Variants in DMD observed in about 807,000 individuals in gnomAD.
DMD encodes the protein dystrophin.
A neutral mutation model predicts 330.1 loss-of-function variants in DMD; 63 were observed. The observed-to-expected ratio is 0.19, with a 90% CI of 0.16 to 0.24. DMD has a LOEUF of 0.24. DMD is among the 10% of genes least tolerant of loss of function. DMD has a pLI of 1.00. For missense variants in DMD, 3,344 were observed against 2,684.1 expected, an observed-to-expected ratio of 1.25 and a Z score of -5.43; for synonymous variants, 1,223 against 959.8, an observed-to-expected ratio of 1.27 and a Z score of -5.07.
intron 2 of DMD, among the ~76,000 whole-genome samples, chrX:32,872,781 G>A (rs137984350): frequency 0.021 from 2,384 of 111,872 alleles, 74 homozygotes; most frequent in African/African-American, 0.073. Context: ...CAGTAGAGAT[G>A]TTAAACTAAA....
intron 52 of DMD, among the ~76,000 whole-genome samples, chrX:31,699,351 C>A (rs994200132): frequency 1.8e-5 from 2 of 112,437 alleles, no homozygotes; most frequent in African/African-American, 6.5e-5. Context: ...GAAGAACTCA[C>A]CCAGCCCAGT....
rs1556919105 is a variant in DMD at position 31,822,653 on chromosome X, G to GGTGTGTGTGTGTGTGTGTGTGTGTGT, written c.7201-2596_7201-2571dup. Among the ~76,000 whole-genome samples the GGTGTGTGTGTGTGTGTGTGTGTGTGT allele has an allele frequency of 2.2e-3, 144 of 65,790 alleles. 4 individuals carry two copies. The highest frequency in any genetic ancestry group is 3.1e-3 in the East Asian group (5 of 1,628). 57.1% of individuals were successfully genotyped at this position (65,790 alleles called of 115,157 possible). On this transcript the variant is annotated intron_variant, in intron 49 of 78. Coordinates refer to ENST00000357033, the MANE Select transcript of DMD (RefSeq NM_004006.3). ...TTGGCCATACAGAAAAAGGCAGAGG[G>GGTGTGTGTGTGTGTGTGTGTGTGTGT]GTGTGTGTGTGTGTGTGTGTGTGTG...
chrX:32,629,989 T>C (rs2058628962), intron 11 of DMD, among the ~76,000 whole-genome samples: 1 of 111,570 alleles, frequency 9.0e-6, no homozygotes, highest in African/African-American at 3.3e-5. Context: ...ATATTCTCTT[T>C]GTAACAGAAT....
chrX:33,198,237 G>A (rs759161360), intron 1 of DMD, among the ~76,000 whole-genome samples: 1 of 111,072 alleles, frequency 9.0e-6, no homozygotes, highest in Admixed American at 9.7e-5. Context: ...TCAGTGAAAT[G>A]TCTATTAAGG....
At chrX:31,530,671 A>ATTTTTTTTTTTTTTTTTTTTTTTT (rs1176859928) in intron 55 of DMD, among the ~76,000 whole-genome samples, 1 of 55,998 alleles carries the variant, frequency 1.8e-5, no homozygotes, top group African/African-American at 7.1e-5. Context: ...TTTTTTTTTA[A>ATTTTTTTTTTTTTTTTTTTTTTTT]TTTTTTTTTT....
intron 76 of DMD, among the ~76,000 whole-genome samples, chrX:31,136,429 C>T (rs1020060789): frequency 1.8e-5 from 2 of 111,958 alleles, no homozygotes; most frequent in Non-Finnish European, 3.8e-5. Flanking sequence ...CCAAGAGGAT[C>T]AAGATCCTGA....
intron 55 of DMD, among the ~76,000 whole-genome samples, chrX:31,519,309 G>T (rs1040403618): frequency 8.0e-5 from 9 of 112,021 alleles, no homozygotes; most frequent in African/African-American, 2.9e-4. Context: ...AATCACTGTG[G>T]TTCAAGGTTG....
At chrX:32,037,402 A>T (rs1414692234) in intron 44 of DMD, among the ~76,000 whole-genome samples, 3 of 112,307 alleles carry the variant, frequency 2.7e-5, no homozygotes, top group African/African-American at 9.7e-5. Context: ...CATGGGCAAG[A>T]TTAACTGATA....
chrX:32,597,851 C>T (rs1293602232), intron 12 of DMD, among the ~76,000 whole-genome samples: 7 of 112,053 alleles, frequency 6.2e-5, no homozygotes, highest in Non-Finnish European at 1.1e-4. Context: ...CTCTGAATAG[C>T]TATTTGAGAC....
intron 1 of DMD, among the ~76,000 whole-genome samples, chrX:33,327,389 A>G (rs1330383350): frequency 2.7e-5 from 3 of 111,847 alleles, no homozygotes; most frequent in African/African-American, 9.7e-5. Context: ...TCAACCTTGG[A>G]ATAGGTTGCT....
chrX:33,141,951 G>A (rs2047820490), intron 1 of DMD, among the ~76,000 whole-genome samples: 1 of 112,465 alleles, frequency 8.9e-6, no homozygotes, highest in Non-Finnish European at 1.9e-5. Context: ...TTTCTTGTGT[G>A]TATATATTTG....
intron 43 of DMD, among the ~76,000 whole-genome samples, chrX:32,269,131 T>C (rs1247646494): frequency 1.8e-5 from 2 of 110,996 alleles, no homozygotes; most frequent in South Asian, 3.8e-4. Context: ...CAAAATGTCA[T>C]AGTGTAACTG....
At chrX:32,186,407 AT>A (rs1170064564) in intron 44 of DMD, among the ~76,000 whole-genome samples, 1 of 111,466 alleles carries the variant, frequency 9.0e-6, no homozygotes, top group Non-Finnish European at 1.9e-5. Context: ...TACCTGATTG[AT>A]TCTGCATTTT....
At chrX:31,841,377 T>C (rs924963385) in intron 48 of DMD, among the ~76,000 whole-genome samples, 1 of 111,670 alleles carries the variant, frequency 9.0e-6, no homozygotes, top group Non-Finnish European at 1.9e-5. Context: ...AAGTGAAAGG[T>C]GGAGCAACAA....
At chrX:31,146,518 C>T in intron 75 of DMD, 104 bp from the exon 76 acceptor site, 1 of 874,328 alleles carries the variant, frequency 1.1e-6, no homozygotes, top group Middle Eastern at 4.1e-4. Context: ...TTTGACCCTT[C>T]CTACTTTAGA....
rs751668434 is a variant in DMD at position 32,849,807 on chromosome X, T to A, written c.107A>T (p.His36Leu). ...TAGGTCACTGAAGAGGTTCTCAATA[T>A]GCTGCTTCCCAAACTGAAATTAAAA... ...NAQFSKFGKQ[H>L]IENLFSDLQD... The change falls in exon 3 of 79, where the codon CAT (histidine) becomes CTT (leucine). Residue 36 changes from histidine to leucine, a missense_variant. His to Leu is a moderately conservative substitution (Grantham distance 99, BLOSUM62 -3). Coordinates refer to ENST00000357033, the MANE Select transcript of DMD (RefSeq NM_004006.3). 1 of 1,199,350 alleles carries A rather than the reference T, an allele frequency of 8.3e-7. No homozygotes were observed. Among genetic ancestry groups the A allele is most frequent in the Non-Finnish European group, 1.1e-6 (1 of 885,591 alleles).
chrX:32,886,648 A>G (rs893227274), intron 2 of DMD, among the ~76,000 whole-genome samples: 2 of 110,735 alleles, frequency 1.8e-5, no homozygotes, highest in African/African-American at 3.3e-5. Flanking sequence ...GCGCCACTGC[A>G]CTCCAGCCTG....
chrX:33,155,957 T>C (rs776424736), intron 1 of DMD, among the ~76,000 whole-genome samples: 4 of 111,612 alleles, frequency 3.6e-5, no homozygotes, highest in African/African-American at 1.3e-4. Flanking sequence ...AAGAAAGAAA[T>C]GCAGCCACTT....
intron 9 of DMD, among the ~76,000 whole-genome samples, chrX:32,660,977 A>C (rs1326669628): frequency 9.0e-6 from 1 of 111,519 alleles, no homozygotes; most frequent in Admixed American, 9.6e-5. Flanking sequence ...AAAAACGCTA[A>C]TAAATAAGAG....
Sources: gnomAD v4.1 joint callset for allele counts (sites outside exome capture counted in the v4.1 genomes callset) on GRCh38, gnomAD v4.1.1 for gene constraint, MANE v1.5 for transcripts, NCBI Gene and HGNC (gene_info 2026-07-23, HGNC 2026-07-21) for gene names.